RAI14: variants seen among roughly 807,000 people sequenced by gnomAD.
The protein encoded by RAI14 is retinoic acid induced 14.
Under a neutral mutation model 115.4 loss-of-function variants are expected in RAI14, and 45 were observed. The observed-to-expected ratio is 0.39, with a 90% CI of 0.31 to 0.50. RAI14 has a LOEUF of 0.50. Among genes scored for constraint, RAI14 ranks in the 20% least tolerant of loss-of-function variants. RAI14 has a pLI of 0.85. For synonymous variants in RAI14, 371 were observed against 415.4 expected (o/e 0.89, Z 1.30); for missense variants, 939 against 1,131.2 (o/e 0.83, Z 2.44).
chr5:34,681,636 G>C (rs1369694281), intron 1 of RAI14, among the ~76,000 whole-genome samples: 1 of 151,842 alleles, frequency 6.6e-6, no homozygotes, highest in Admixed American at 6.6e-5. Context: ...CTAGGACTAC[G>C]GGCATGTGCC....
intron 2 of RAI14, among the ~76,000 whole-genome samples, chr5:34,752,251 T>C (rs334907): frequency 6.6e-6 from 1 of 152,186 alleles, no homozygotes; most frequent in Non-Finnish European, 1.5e-5. Flanking sequence ...ATTTAATAGT[T>C]GTTTGCAAAA....
In RAI14 at chr5:34,752,733, GTGTGTGTGTGTGTGTGTATA is replaced by G. The variant is rs1561312130; in HGVS notation, c.37-4733_37-4714del. ...TGTGTGTGTGTGTGTGTGTGTGTGTGTGTGTGTGTGTGTGTGTATATATATATATATATGTATCTTTTCTT... is the reference window on the plus strand; with the variant it reads ...TGTGTGTGTGTGTGTGTGTGTGTGTGTATATATATATATGTATCTTTTCTT... On this transcript the variant is annotated intron_variant, in intron 2 of 17. Transcript: ENST00000265109. Among the ~76,000 whole-genome samples the G allele has an allele frequency of 9.4e-4, 95 of 100,596 alleles. 1 individual carries two copies. Among genetic ancestry groups the G allele is most frequent in the Non-Finnish European group, 1.5e-3 (72 of 47,514 alleles). 66.0% of individuals were successfully genotyped at this position (100,596 alleles called of 152,430 possible).
chr5:34,750,848 ATTTT>A (rs869028180), intron 2 of RAI14, among the ~76,000 whole-genome samples: 1 of 83,638 alleles, frequency 1.2e-5, no homozygotes, highest in Admixed American at 1.5e-4. Flanking sequence ...TTGCTTTATC[ATTTT>A]TTTTTTTTTT....
At chr5:34,809,722 GT>G (rs1424109266) in intron 7 of RAI14, among the ~76,000 whole-genome samples, 2 of 151,006 alleles carry the variant, frequency 1.3e-5, no homozygotes, top group Non-Finnish European at 2.9e-5. Flanking sequence ...GGCTATACAT[GT>G]TTTCTACCAT....
chr5:34,677,619 T>C (rs889221949), intron 1 of RAI14, among the ~76,000 whole-genome samples: 7 of 152,026 alleles, frequency 4.6e-5, no homozygotes, highest in African/African-American at 1.7e-4. Flanking sequence ...TAATTTACTT[T>C]TATTTTTGTA....
Position 34,811,127 on chromosome 5 carries a change from G to A in RAI14, c.557+9G>A. 1.2e-6 allele frequency: 2 copies of A among 1,613,166 alleles called. No individual in the cohort carries two copies. The highest frequency in any genetic ancestry group is 1.7e-6 in the Non-Finnish European group (2 of 1,179,466). On this transcript the variant is annotated intron_variant, in intron 8 of 17. Coordinates refer to ENST00000265109, the MANE Select transcript of RAI14 (RefSeq NM_015577.3). ...AGGAACAAAAGTGGAAGGTACTCCA[G>A]AATTAGGCAGAAATCATGTGACTTC...
chr5:34,714,150 A>T (rs7702499), intron 2 of RAI14, among the ~76,000 whole-genome samples: 6 of 152,168 alleles, frequency 3.9e-5, no homozygotes, highest in Admixed American at 1.3e-4. Context: ...ACTGTTCTAC[A>T]TGAAGAATGA....
At chr5:34,748,828 AAAAG>A (rs1314335135) in intron 2 of RAI14, among the ~76,000 whole-genome samples, 2 of 151,852 alleles carry the variant, frequency 1.3e-5, no homozygotes. Context: ...TAAAAAAAAA[AAAAG>A]AAAATTTGGG....
chr5:34,769,004 A>G (rs1749796242), intron 3 of RAI14, among the ~76,000 whole-genome samples: 1 of 150,396 alleles, frequency 6.6e-6, no homozygotes, highest in East Asian at 1.9e-4. Context: ...AAAAAAAAGG[A>G]TGAGGGGTGG....
Position 34,762,929 on chromosome 5 carries a change from ATGTGTGTGTGTGTG to A in RAI14, c.167+5365_167+5378del, listed in dbSNP as rs34495404. On this transcript the variant is annotated intron_variant, in intron 3 of 17. Transcript: ENST00000265109. ...GTGTGTAGATATAAGGAGTGTGTGC[ATGTGTGTGTGTGTG>A]TGTGTGTGTGTGTGTGTGTGTGTGT... Among the ~76,000 whole-genome samples, 811 of 129,134 alleles carry A rather than the reference ATGTGTGTGTGTGTG, an allele frequency of 6.3e-3. 5 individuals are homozygous for A. The highest frequency in any genetic ancestry group is 0.019 in the African/African-American group (677 of 36,350). 84.7% of individuals were successfully genotyped at this position (129,134 alleles called of 152,430 possible). A position where few individuals can be genotyped will look rare whatever the true frequency, so the allele number is the denominator to read the frequency against.
rs1757136132 is a variant in RAI14, at chr5:34,823,559, G to A, written c.1717G>A (p.Val573Met). The A allele has an allele frequency of 6.2e-7, 1 of 1,614,090 alleles. No homozygotes were observed. Among genetic ancestry groups the A allele is most frequent in the Non-Finnish European group, 8.5e-7 (1 of 1,180,048 alleles). ...GAAAGGTACAGTGATTAAGCCACCT[G>A]TGGAAGAGTACGAGGAAATGAAAAG... ...REKGTVIKPPVEEYEEMKSSY... is the reference protein window; with the variant it reads ...REKGTVIKPPMEEYEEMKSSY... The change falls in exon 15 of 18, where the codon GTG (valine) becomes ATG (methionine). Residue 573 changes from valine (V) to methionine (M), a missense_variant. Physicochemically the swap from Val to Met is conservative, Grantham distance 21. Transcript: ENST00000265109. This position sits in a 1 kb window ranked among gnomAD's most constrained non-coding sequence, Gnocchi z 4.5.
At chr5:34,774,636 A>T (rs1452261727) in intron 3 of RAI14, among the ~76,000 whole-genome samples, 1 of 152,148 alleles carries the variant, frequency 6.6e-6, no homozygotes, top group Non-Finnish European at 1.5e-5. Flanking sequence ...AAATGGAAAC[A>T]TTCTTTAACA....
intron 17 of RAI14, among the ~76,000 whole-genome samples, chr5:34,830,204 A>C (rs1207171818): frequency 2.0e-5 from 3 of 152,096 alleles, no homozygotes; most frequent in Non-Finnish European, 4.4e-5. Context: ...GGCTGGTCTC[A>C]AACTCCTGAG....
chr5:34,694,373 G>A (rs547953244), intron 2 of RAI14, among the ~76,000 whole-genome samples: 2 of 152,186 alleles, frequency 1.3e-5, no homozygotes, highest in Non-Finnish European at 2.9e-5. Context: ...TTGCTGTGTG[G>A]AGGTGGTTAT....
At chr5:34,817,718 G>A (rs1295640376) in intron 12 of RAI14, among the ~76,000 whole-genome samples, 1 of 152,216 alleles carries the variant, frequency 6.6e-6, no homozygotes, top group Non-Finnish European at 1.5e-5. Context: ...TCATCATGCT[G>A]AGAGAAGCCA....
At chr5:34,743,164 A>T (rs1339003290) in intron 2 of RAI14, among the ~76,000 whole-genome samples, 1 of 152,200 alleles carries the variant, frequency 6.6e-6, no homozygotes, top group Non-Finnish European at 1.5e-5. Context: ...GCCATAGCAG[A>T]TTACCACCAG....
At chr5:34,742,897 C>CAG (rs1178628338) in intron 2 of RAI14, among the ~76,000 whole-genome samples, 2 of 152,122 alleles carry the variant, frequency 1.3e-5, no homozygotes, top group African/African-American at 2.4e-5. Flanking sequence ...CTCCTGACCT[C>CAG]GTGATCCACC....
chr5:34,748,455 A>G (rs957031627), intron 2 of RAI14, among the ~76,000 whole-genome samples: 17 of 152,172 alleles, frequency 1.1e-4, no homozygotes, highest in Admixed American at 5.2e-4. Flanking sequence ...TACATCCTGT[A>G]TGTTTCAATC....
rs143842800 is a variant in RAI14 at position 34,745,726 on chromosome 5, A to G, written c.37-11742A>G. ...CAAATGGTTTCTCTATGGAGTTACA[A>G]ATGCTGCTCCCAGCTGGACCTTTGG... On this transcript the variant is annotated intron_variant, in intron 2 of 17. Coordinates refer to ENST00000265109, the MANE Select transcript of RAI14 (RefSeq NM_015577.3). Among the ~76,000 whole-genome samples the G allele has an allele frequency of 4.6e-5, 7 of 152,256 alleles. No individual in the cohort carries two copies. In the East Asian group the frequency reaches 1.4e-3, roughly 29 times the overall value.
Sources: gnomAD v4.1 joint callset for allele counts (sites outside exome capture counted in the v4.1 genomes callset) on GRCh38, gnomAD v4.1.1 for gene constraint, Gnocchi (gnomAD v3.1) non-coding constraint, MANE v1.5 for transcripts, NCBI Gene and HGNC (gene_info 2026-07-23, HGNC 2026-07-21) for gene names.